The following SNAP25 variants were observed in gnomAD, a reference collection of about 807,000 sequenced individuals.
The protein encoded by SNAP25 is synaptosomal-associated protein 25.
In SNAP25, 3 loss-of-function variants were observed where a neutral mutation model predicts 28.7. The ratio of observed to expected loss-of-function variants is 0.10; its 90% CI spans 0.05 to 0.27. The LOEUF is 0.27. SNAP25 is among the 10% of genes least tolerant of loss of function. The probability of loss-of-function intolerance (pLI) is 1.00; values close to 1 mark genes in which losing one functional copy is unlikely to be tolerated. For missense variants in SNAP25, 117 were observed against 278.7 expected, an observed-to-expected ratio of 0.42 and a Z score of 4.13; for synonymous variants, 61 against 88.1, an observed-to-expected ratio of 0.69 and a Z score of 1.72.
intron 3 of SNAP25, among the ~76,000 whole-genome samples, chr20:10,279,470 A>G (rs992211013): frequency 6.6e-6 from 1 of 152,192 alleles, no homozygotes; most frequent in African/African-American, 2.4e-5. Context: ...CTGCCTGTGC[A>G]ATGTTGAAAT....
chr20:10,226,902 G>T (rs1195172382), intron 1 of SNAP25, among the ~76,000 whole-genome samples: 1 of 152,060 alleles, frequency 6.6e-6, no homozygotes, highest in African/African-American at 2.4e-5. Flanking sequence ...TCCCTGTAGA[G>T]ACCACTTTCT....
chr20:10,248,407 A>C (rs1329752765), intron 1 of SNAP25, among the ~76,000 whole-genome samples: 1 of 152,220 alleles, frequency 6.6e-6, no homozygotes, highest in Non-Finnish European at 1.5e-5. Flanking sequence ...GAGGAATATA[A>C]CAAGGAAAAT....
intron 1 of SNAP25, among the ~76,000 whole-genome samples, chr20:10,261,742 C>T (rs1235128730): frequency 6.6e-6 from 1 of 152,026 alleles, no homozygotes; most frequent in Non-Finnish European, 1.5e-5. Context: ...AACAATGTAG[C>T]GTGCATTTAT....
At chr20:10,219,196 C>G (rs2062574147) in intron 1 of SNAP25, 1 of 152,264 alleles carries the variant, frequency 6.6e-6, no homozygotes, top group African/African-American at 2.4e-5. Flanking sequence ...AATGGAGCGA[C>G]GGGGAGGAAG....
intron 1 of SNAP25, among the ~76,000 whole-genome samples, chr20:10,261,448 A>G (rs1340550811): frequency 6.6e-6 from 1 of 152,180 alleles, no homozygotes; most frequent in Non-Finnish European, 1.5e-5. Context: ...GGTCAGACAT[A>G]TGGAAACATA....
At chr20:10,267,890 C>T (rs2063531516) in intron 1 of SNAP25, among the ~76,000 whole-genome samples, 5 of 152,332 alleles carry the variant, frequency 3.3e-5, no homozygotes. Flanking sequence ...AATAGCTACA[C>T]ACTTTGCTTT....
intron 1 of SNAP25, among the ~76,000 whole-genome samples, chr20:10,224,997 C>CT (rs1478079136): frequency 6.6e-6 from 1 of 151,988 alleles, no homozygotes; most frequent in Non-Finnish European, 1.5e-5. Flanking sequence ...CTGTAAAGTA[C>CT]TTTAAAAGTA....
intron 1 of SNAP25, among the ~76,000 whole-genome samples, chr20:10,265,865 G>T (rs1196578298): frequency 6.6e-6 from 1 of 152,144 alleles, no homozygotes. Flanking sequence ...TTGATATGTT[G>T]TTCAGTACGT....
intron 1 of SNAP25, among the ~76,000 whole-genome samples, chr20:10,264,918 C>CTTTT (rs958711328): frequency 2.6e-5 from 3 of 117,146 alleles, no homozygotes; most frequent in Non-Finnish European, 5.3e-5. Context: ...TCAGACCATG[C>CTTTT]TTTTTTTTTT....
chr20:10,278,568 G>T (rs2063728978), intron 3 of SNAP25, among the ~76,000 whole-genome samples: 1 of 152,104 alleles, frequency 6.6e-6, no homozygotes, highest in Non-Finnish European at 1.5e-5. Flanking sequence ...TTTTTATTCA[G>T]CGAGATGCTG....
At chr20:10,259,250 G>A (rs1005964182) in intron 1 of SNAP25, among the ~76,000 whole-genome samples, 2 of 152,174 alleles carry the variant, frequency 1.3e-5, no homozygotes, top group Non-Finnish European at 2.9e-5. Flanking sequence ...ATAACAATTA[G>A]GTTGGCATTT....
At chr20:10,300,158 T>C (rs363008) in intron 7 of SNAP25, among the ~76,000 whole-genome samples, 6,676 of 143,874 alleles carry the variant, frequency 0.046, 509 homozygotes, top group African/African-American at 0.16. Context: ...ACGTGGGCCA[T>C]AAGAAAGACT....
rs111732527 is a variant in SNAP25 at position 10,288,836 on chromosome 20, T to A, written c.163+4064T>A. Among the ~76,000 whole-genome samples, 736 of 151,648 alleles carry A rather than the reference T, an allele frequency of 4.9e-3. 5 individuals carry two copies. The highest frequency in any genetic ancestry group is 0.017 in the African/African-American group (688 of 41,110). On this transcript the variant is annotated intron_variant, in intron 4 of 7. Coordinates refer to ENST00000254976, the MANE Select transcript of SNAP25 (RefSeq NM_130811.4). ...GAACTTAGGACCTTTTTTTTTTTTT[T>A]AATTAGGCAGTAGAGACACAGAAGG...
chr20:10,303,714 G>A (rs1283223740), intron 7 of SNAP25, among the ~76,000 whole-genome samples: 3 of 152,128 alleles, frequency 2.0e-5, no homozygotes, highest in Non-Finnish European at 2.9e-5. Context: ...CCATAGAATC[G>A]TTGTCTTCAC....
intron 1 of SNAP25, among the ~76,000 whole-genome samples, chr20:10,266,138 A>C (rs1010061270): frequency 4.6e-5 from 7 of 152,230 alleles, no homozygotes; most frequent in Admixed American, 1.3e-4. Context: ...TAACAGGGAA[A>C]GGCTGCTTCA....
intron 2 of SNAP25, among the ~76,000 whole-genome samples, chr20:10,276,985 T>G (rs1245830332): frequency 6.6e-6 from 1 of 152,158 alleles, no homozygotes; most frequent in Non-Finnish European, 1.5e-5. Flanking sequence ...CAAAATAAGT[T>G]TGTCAGTTAA....
At position 10,262,284 on chromosome 20, in the gene SNAP25, T is replaced by C. The variant is rs1002217103; in HGVS notation, c.-63-13145T>C. Among the ~76,000 whole-genome samples the C allele has an allele frequency of 3.3e-5, 5 of 152,210 alleles. No individual in the cohort carries two copies. The South Asian group carries it at 8.3e-4, about 25-fold the overall frequency. ...CCTTCCTCTCCACTATTTTGATGTT[T>C]GCCATTTCAAGGATACCTTAAGGTG... On this transcript the variant is annotated intron_variant, in intron 1 of 7. Coordinates refer to ENST00000254976, the MANE Select transcript of SNAP25 (RefSeq NM_130811.4).
intron 1 of SNAP25, among the ~76,000 whole-genome samples, chr20:10,250,923 A>C (rs1568588952): frequency 6.6e-6 from 1 of 152,208 alleles, no homozygotes; most frequent in Non-Finnish European, 1.5e-5. Flanking sequence ...AATAGGCTAT[A>C]CCATATAGCC....
intron 1 of SNAP25, among the ~76,000 whole-genome samples, chr20:10,253,575 C>T (rs1266147411): frequency 2.0e-5 from 3 of 152,154 alleles, no homozygotes; most frequent in Non-Finnish European, 2.9e-5. Context: ...GCTCAGGGAT[C>T]ATCCCTGTTA....
Sources: gnomAD v4.1 joint callset for allele counts (sites outside exome capture counted in the v4.1 genomes callset) on GRCh38, gnomAD v4.1.1 for gene constraint, MANE v1.5 for transcripts, NCBI Gene and HGNC (gene_info 2026-07-23, HGNC 2026-07-21) for gene names.